CACNA1S: variants seen among roughly 807,000 people sequenced by gnomAD.
The protein encoded by CACNA1S is calcium voltage-gated channel subunit alpha1 S.
Under a neutral mutation model 207.4 loss-of-function variants are expected in CACNA1S, and 126 were observed. The observed-to-expected ratio is 0.61, with a 90% CI of 0.53 to 0.70. CACNA1S has a LOEUF of 0.70. Among genes scored for constraint, CACNA1S ranks in the 30% least tolerant of loss-of-function variants. The probability of loss-of-function intolerance (pLI) is 0.00; values close to 1 mark genes in which losing one functional copy is unlikely to be tolerated. For missense variants in CACNA1S, 2,349 were observed against 2,422.8 expected, an observed-to-expected ratio of 0.97 and a Z score of 0.64; for synonymous variants, 960 against 932.7, an observed-to-expected ratio of 1.03 and a Z score of -0.53.
At chr1:201,044,516 T>C in intron 38 of CACNA1S, 60 bp from the exon 39 acceptor site, 1 of 1,586,576 alleles carries the variant, frequency 6.3e-7, no homozygotes, top group South Asian at 1.1e-5. Context: ...CCAGAACCAC[T>C]TTTTCTTTTT....
At chr1:201,057,155 T>C (rs1243828091) in intron 28 of CACNA1S, among the ~76,000 whole-genome samples, 1 of 152,228 alleles carries the variant, frequency 6.6e-6, no homozygotes, top group African/African-American at 2.4e-5. Context: ...ATCATAACCA[T>C]GGCCTTCAAG....
rs745347171 is a variant in CACNA1S at position 201,066,265 on chromosome 1, T to C, written c.2709A>G (p.Arg903=). 1.9e-6 allele frequency: 3 copies of C among 1,613,362 alleles called. No individual in the cohort carries two copies. Among genetic ancestry groups the C allele is most frequent in the Non-Finnish European group, 2.5e-6 (3 of 1,179,938 alleles). ...TGGCTCTGTTGATGGCTCTGAGTGG[T>C]CGGAGCACCCTCAGCACCCTCAGGA... The part of the protein sequence containing the change: ...VKILRVLRVL[R]PLRAINRAKG... Residue 903 remains arginine, a synonymous_variant, in exon 21 of 44, where the codon CGA becomes CGG. Coordinates refer to ENST00000362061, the MANE Select transcript of CACNA1S (RefSeq NM_000069.3). This position sits in a 1 kb window ranked among gnomAD's most constrained non-coding sequence, Gnocchi z 4.3.
chr1:201,096,418 G>C (rs1174493961), intron 2 of CACNA1S, among the ~76,000 whole-genome samples: 2 of 152,212 alleles, frequency 1.3e-5, no homozygotes, highest in Non-Finnish European at 2.9e-5. Flanking sequence ...TGCAGCCTGG[G>C]CTCAGTCTTC....
chr1:201,080,981 A>G (rs1661820630), intron 10 of CACNA1S, among the ~76,000 whole-genome samples: 2 of 152,182 alleles, frequency 1.3e-5, no homozygotes. Context: ...TATATAAGGC[A>G]CTGATAGGAT....
chr1:201,049,976 T>C (rs1039597193), intron 34 of CACNA1S, among the ~76,000 whole-genome samples: 9 of 152,162 alleles, frequency 5.9e-5, no homozygotes, highest in Non-Finnish European at 8.8e-5. Context: ...TTTAAATGCA[T>C]ACGAATGTCC....
In CACNA1S at chr1:201,051,163, C is replaced by T; in HGVS notation, c.3954-20G>A. 2.5e-6 allele frequency: 4 copies of T among 1,613,866 alleles called. No individual in the cohort carries two copies. Among genetic ancestry groups the T allele is most frequent in the Non-Finnish European group, 3.4e-6 (4 of 1,179,780 alleles). On this transcript the variant is annotated intron_variant, in intron 32 of 43. Transcript: ENST00000362061. ...GCACACCTAGAGGACAGAAGAGGCT[C>T]CTGTCACCTATCTGCTCCTGCCTGG...
intron 2 of CACNA1S, among the ~76,000 whole-genome samples, chr1:201,100,498 C>T (rs1035816675): frequency 1.2e-4 from 18 of 152,332 alleles, no homozygotes; most frequent in Non-Finnish European, 1.8e-4. Context: ...CCCAAATAGA[C>T]GTAACTGGAA....
chr1:201,076,435 C>A (rs534136504), intron 12 of CACNA1S, among the ~76,000 whole-genome samples: 1 of 152,246 alleles, frequency 6.6e-6, no homozygotes, highest in Non-Finnish European at 1.5e-5. Flanking sequence ...GGCCAGGGAC[C>A]CTGAAAGCTT....
chr1:201,042,862 C>T, intron 40 of CACNA1S: 1 of 223,812 alleles, frequency 4.5e-6, no homozygotes, highest in Non-Finnish European at 9.1e-6. Flanking sequence ...TAGTCTACAG[C>T]CCAAGGTTGG....
Position 201,054,575 on chromosome 1 carries a change from A to C in CACNA1S, c.3610-14T>G. On this transcript the variant is annotated splice_polypyrimidine_tract_variant and intron_variant, in intron 28 of 43. Transcript: ENST00000362061. ...GGCCAGGAAAGTCTGTGGAGAAAAGAGACGAAGGGAGGGGAAGGAGAGGAG... is the reference window on the plus strand; with the variant it reads ...GGCCAGGAAAGTCTGTGGAGAAAAGCGACGAAGGGAGGGGAAGGAGAGGAG... 6.2e-7 allele frequency: 1 copy of C among 1,609,598 alleles called. No homozygotes were observed. Among genetic ancestry groups the C allele is most frequent in the Non-Finnish European group, 8.5e-7 (1 of 1,177,598 alleles).
chr1:201,109,690 C>G (rs1040584017), intron 2 of CACNA1S, among the ~76,000 whole-genome samples: 12 of 152,158 alleles, frequency 7.9e-5, no homozygotes, highest in Admixed American at 7.9e-4. Context: ...TTATAAAACT[C>G]TAAAACATGT....
chr1:201,042,278 G>A (rs533039593), intron 40 of CACNA1S, among the ~76,000 whole-genome samples: 1 of 152,282 alleles, frequency 6.6e-6, no homozygotes, highest in East Asian at 1.9e-4. Context: ...GAGATTTCAG[G>A]CATGCGCCAC....
At chr1:201,045,696 C>CA (rs1660446274) in intron 38 of CACNA1S, among the ~76,000 whole-genome samples, 9 of 138,118 alleles carry the variant, frequency 6.5e-5, no homozygotes, top group Non-Finnish European at 1.2e-4. Flanking sequence ...GATCATGCCT[C>CA]TGCACTCCAG....
Position 201,083,324 on chromosome 1 carries a change from T to C in CACNA1S, c.1233-2A>G. Reference sequence around the variant, plus strand: ...CGGTTCCACTGCCTCCAATGTCGGCTGAGGGAGGGGACAGAGGATGGTCTA... The same window carrying C: ...CGGTTCCACTGCCTCCAATGTCGGCCGAGGGAGGGGACAGAGGATGGTCTA... On this transcript the variant is annotated splice_acceptor_variant, in intron 9 of 43. Coordinates refer to ENST00000362061, the MANE Select transcript of CACNA1S (RefSeq NM_000069.3). LOFTEE classifies it high-confidence loss of function. 1 of 1,614,114 alleles carries C rather than the reference T, an allele frequency of 6.2e-7. No homozygotes were observed. Among genetic ancestry groups the C allele is most frequent in the Admixed American group, 1.7e-5 (1 of 60,032 alleles).
At chr1:201,074,748 G>C in intron 13 of CACNA1S, 128 bp from the exon 14 acceptor site, 1 of 723,932 alleles carries the variant, frequency 1.4e-6, no homozygotes, top group Non-Finnish European at 2.5e-6. Flanking sequence ...GGAAGGTGTG[G>C]ATCCAGGGAC....
At position 201,057,626 on chromosome 1, in the gene CACNA1S, C is replaced by T. The variant is rs143600262; in HGVS notation, c.3609+782G>A. On this transcript the variant is annotated intron_variant, in intron 28 of 43. Transcript: ENST00000362061. ...AACTGGGTCTCTTAATTTTAGTCAT[C>T]CTCACTTCCTGTTGCTCATCTCCAG... Among the ~76,000 whole-genome samples, 781 of 152,206 alleles carry T rather than the reference C, an allele frequency of 5.1e-3. 7 individuals are homozygous for T. Among genetic ancestry groups the T allele is most frequent in the Middle Eastern group, 6.8e-3 (2 of 294 alleles).
At chr1:201,084,693 G>A (rs1661966268) in intron 9 of CACNA1S, among the ~76,000 whole-genome samples, 1 of 152,110 alleles carries the variant, frequency 6.6e-6, no homozygotes, top group Non-Finnish European at 1.5e-5. Flanking sequence ...ACTGCTCCTG[G>A]AGGCTCCCAG....
rs1235669786 is a variant in CACNA1S at position 201,053,390 on chromosome 1, C to T, written c.3795+69G>A. 2 of 1,613,104 alleles carry T rather than the reference C, an allele frequency of 1.2e-6. No homozygotes were observed. Among genetic ancestry groups the T allele is most frequent in the East Asian group, 2.2e-5 (1 of 44,842 alleles). On this transcript the variant is annotated intron_variant, in intron 30 of 43. Coordinates refer to ENST00000362061, the MANE Select transcript of CACNA1S (RefSeq NM_000069.3). This position sits in a 1 kb window ranked among gnomAD's most constrained non-coding sequence, Gnocchi z 5.1. ...TTGCCCAGGGCTCCCCTGGGGCCCA[C>T]CCTGGGCTGAGGCAGATGTCCCTAG...
intron 12 of CACNA1S, among the ~76,000 whole-genome samples, chr1:201,076,314 C>T (rs960190294): frequency 8.5e-5 from 13 of 152,226 alleles, no homozygotes; most frequent in East Asian, 1.9e-4. Flanking sequence ...GATCGACGGA[C>T]GATCACACAC....
Sources: gnomAD v4.1 joint callset for allele counts (sites outside exome capture counted in the v4.1 genomes callset) on GRCh38, gnomAD v4.1.1 for gene constraint, Gnocchi (gnomAD v3.1) non-coding constraint, MANE v1.5 for transcripts, NCBI Gene and HGNC (gene_info 2026-07-23, HGNC 2026-07-21) for gene names.